Variants in PRPF40B observed in about 807,000 individuals in gnomAD.
PRPF40B encodes pre-mRNA-processing factor 40 homolog B.
In PRPF40B, 56 loss-of-function variants were observed where a neutral mutation model predicts 124.5. That is an observed-to-expected ratio of 0.45 (90% CI 0.36 to 0.56). PRPF40B has a LOEUF of 0.56. Among genes scored for constraint, PRPF40B ranks in the 20% least tolerant of loss-of-function variants. The probability of loss-of-function intolerance (pLI) is 0.00; values close to 1 mark genes in which losing one functional copy is unlikely to be tolerated. For synonymous variants in PRPF40B, 443 were observed against 426.4 expected (o/e 1.04, Z -0.48); for missense variants, 1,053 against 1,169.5 (o/e 0.90, Z 1.45).
intron 4 of PRPF40B, 44 bp from the exon 5 acceptor site, chr12:49,632,552 A>G: frequency 1.2e-6 from 2 of 1,608,426 alleles, no homozygotes; most frequent in African/African-American, 1.3e-5. Flanking sequence ...CCTGGGGGCC[A>G]CTGGGCTTGG....
At chr12:49,629,457 G>T (rs1941028112) in intron 1 of PRPF40B, among the ~76,000 whole-genome samples, 1 of 152,176 alleles carries the variant, frequency 6.6e-6, no homozygotes, top group Non-Finnish European at 1.5e-5. Flanking sequence ...TGGCCATGTA[G>T]GGCTATACCT....
rs1221013973 is a variant in PRPF40B at position 49,637,772 on chromosome 12, A to G, written c.1715A>G (p.Glu572Gly). ...GACTTATTCAAGTTCTATGTGGAGG[A>G]GTTGAAGGCACGATTCCATGATGAA... The part of the protein sequence containing the change: ...PLDLFKFYVE[E>G]LKARFHDEKK... The change falls in exon 18 of 26, where the codon GAG (glutamate) becomes GGG (glycine). Residue 572 changes from glutamate to glycine, a missense_variant. Glu to Gly is a moderately conservative substitution (Grantham distance 98). Coordinates refer to ENST00000548825, the MANE Select transcript of PRPF40B (RefSeq NM_001031698.3). 1.9e-6 allele frequency: 3 copies of G among 1,578,422 alleles called. No individual in the cohort carries two copies. The highest frequency in any genetic ancestry group is 1.7e-6 in the Non-Finnish European group (2 of 1,161,808).
chr12:49,637,690 G>A, intron 17 of PRPF40B, 43 bp from the exon 18 acceptor site: 3 of 1,503,928 alleles, frequency 2.0e-6, no homozygotes, highest in Non-Finnish European at 2.7e-6. Context: ...CCAGGCCTTG[G>A]GAAGCTGCCG....
chr12:49,623,346 G>T (rs1435205620), upstream of PRPF40B: 4 of 190,618 alleles, frequency 2.1e-5, no homozygotes, highest in East Asian at 5.7e-4. Context: ...CCCGCCCCCC[G>T]GGGGGCGGAC....
chr12:49,634,930 C>T (rs938995688), intron 12 of PRPF40B, 169 bp from the exon 13 acceptor site: 32 of 740,100 alleles, frequency 4.3e-5, no homozygotes, highest in Non-Finnish European at 5.8e-5. Context: ...GCATCTCTTC[C>T]CCTCACTTCC....
intron 23 of PRPF40B, 61 bp downstream of exon 23, chr12:49,643,458 C>CT: frequency 6.6e-7 from 1 of 1,511,566 alleles, no homozygotes. Context: ...AGAGGATGCC[C>CT]TCCACAAGCC....
intron 18 of PRPF40B, chr12:49,641,208 A>G (rs1942597227): frequency 6.6e-6 from 1 of 152,208 alleles, no homozygotes; most frequent in African/African-American, 2.4e-5. Flanking sequence ...TGGCCTGTGG[A>G]CATGTTTTTA....
At position 49,633,505 on chromosome 12, in the gene PRPF40B, G is replaced by A. The variant is rs2138475649; in HGVS notation, c.538G>A (p.Glu180Lys). The A allele has an allele frequency of 6.2e-7, 1 of 1,614,206 alleles. No individual in the cohort carries two copies. The highest frequency in any genetic ancestry group is 1.3e-5 in the African/African-American group (1 of 75,044). ...KPYYYNNQSK[E>K]SRWTRPKDLD... Reference sequence around the variant, plus strand: ...TTATTACTATAACAACCAGAGTAAAGAGTCCCGCTGGACCCGGCCCAAGGA... The same window carrying A: ...TTATTACTATAACAACCAGAGTAAAAAGTCCCGCTGGACCCGGCCCAAGGA... The change falls in exon 8 of 26, where the codon GAG (glutamate) becomes AAG (lysine). Residue 180 changes from glutamate to lysine, a missense_variant. Transcript: ENST00000548825.
chr12:49,642,361 G>A lies in PRPF40B; in HGVS notation c.2011G>A (p.Ala671Thr), dbSNP rs1217941269. 5 of 1,613,724 alleles carry A rather than the reference G, an allele frequency of 3.1e-6. No homozygotes were observed. The highest frequency in any genetic ancestry group is 1.3e-5 in the African/African-American group (1 of 74,940). ...TGTGCCTGCTCTGGAGCTAGGCACT[G>A]CCTGGGAAGAGGTCAGGAGCGTAGC... is the stretch of plus-strand genomic sequence containing the variant. ...QAVPALELGT[A>T]WEEVRERFVC... Residue 671 changes from alanine to threonine, a missense_variant, in exon 20 of 26, where the codon GCC becomes ACC. By Grantham distance (58) the Ala-to-Thr change is moderately conservative. Around this residue, in one of 2 missense-constraint regions of PRPF40B, gnomAD observed 895 missense variants for 1,052.2 expected, o/e 0.85. Coordinates refer to ENST00000548825, the MANE Select transcript of PRPF40B (RefSeq NM_001031698.3). The surrounding 1 kb of genome is among the most constrained non-coding windows in gnomAD (Gnocchi z 5.8).
chr12:49,635,095 C>G lies in PRPF40B; in HGVS notation c.1002-4C>G. The G allele has an allele frequency of 6.2e-7, 1 of 1,610,830 alleles. No individual in the cohort carries two copies. Among genetic ancestry groups the G allele is most frequent in the Admixed American group, 1.7e-5 (1 of 59,806 alleles). On this transcript the variant is annotated splice_polypyrimidine_tract_variant and splice_region_variant and intron_variant, in intron 12 of 25. Transcript: ENST00000548825. This position sits in a 1 kb window ranked among gnomAD's most constrained non-coding sequence, Gnocchi z 4.1. ...CCCCACCCCACTCCTACCCTCTATC[C>G]CAGTGCCTTGCCTAAACTGAGTGAG...
intron 18 of PRPF40B, chr12:49,640,846 G>A (rs1472876151): frequency 6.6e-6 from 1 of 152,222 alleles, no homozygotes; most frequent in Non-Finnish European, 1.5e-5. Context: ...GATGTTCCAG[G>A]TTAGGTGAGG....
At chr12:49,629,536 A>G (rs759880314) in intron 1 of PRPF40B, among the ~76,000 whole-genome samples, 19 of 152,224 alleles carry the variant, frequency 1.2e-4, no homozygotes, top group African/African-American at 3.4e-4. Flanking sequence ...CGTTCGTTCA[A>G]TATTTGCTGA....
Position 49,633,621 on chromosome 12 carries a change from T to C in PRPF40B, c.581-16T>C. On this transcript the variant is annotated splice_polypyrimidine_tract_variant and intron_variant, in intron 8 of 25. Transcript: ENST00000548825. Reference sequence around the variant, plus strand: ...ATTGCCCCTGTGACTGACTGTGTTATCTTTTCCCATCACAGTTCTAGTCAA... The same window carrying C: ...ATTGCCCCTGTGACTGACTGTGTTACCTTTTCCCATCACAGTTCTAGTCAA... 6.2e-7 allele frequency: 1 copy of C among 1,614,228 alleles called. No homozygotes were observed. The highest frequency in any genetic ancestry group is 2.2e-5 in the East Asian group (1 of 44,888).
At chr12:49,643,123 T>G in intron 22 of PRPF40B, 100 bp from the exon 23 acceptor site, 12 of 1,586,340 alleles carry the variant, frequency 7.6e-6, no homozygotes, top group Non-Finnish European at 1.0e-5. Context: ...GTTTGAGGAT[T>G]CCTTTGGCCC....
chr12:49,624,417 G>A (rs1176389239), intron 1 of PRPF40B, among the ~76,000 whole-genome samples: 1 of 152,168 alleles, frequency 6.6e-6, no homozygotes, highest in African/African-American at 2.4e-5. Flanking sequence ...GCCGGGCTGG[G>A]GCTGGCTAGC....
In PRPF40B at chr12:49,626,906, T is replaced by C. The variant is rs374610266; in HGVS notation, c.3+3313T>C. 1.0e-3 allele frequency among the ~76,000 whole-genome samples: 156 copies of C among 152,264 alleles called. 1 individual carries two copies. Among genetic ancestry groups the C allele is most frequent in the African/African-American group, 3.5e-3 (146 of 41,548 alleles). Reference sequence around the variant, plus strand: ...GTGGCTCCTTGGACAGATTATTCCCTGAAAAAGGGGGATACCTTGGGTGAC... The same window carrying C: ...GTGGCTCCTTGGACAGATTATTCCCCGAAAAAGGGGGATACCTTGGGTGAC... On this transcript the variant is annotated intron_variant, in intron 1 of 25. Transcript: ENST00000548825.
chr12:49,632,230 T>A lies in PRPF40B; in HGVS notation c.294+305T>A, dbSNP rs527253565. The A allele has an allele frequency of 3.4e-5, 20 of 581,634 alleles. No individual in the cohort carries two copies. The Admixed American group carries it at 3.9e-4, about 11-fold the overall frequency. The allele number at this position is 581,634 out of a possible 1,614,324, so 36.0% of individuals were successfully genotyped here. ...CACATGAATATAGTTCTTCACATCC[T>A]CTTTGTCCCCAGAAGAGTCAGTAGC... On this transcript the variant is annotated intron_variant, in intron 4 of 25. Transcript: ENST00000548825.
intron 18 of PRPF40B, 57 bp from the exon 19 acceptor site, chr12:49,641,851 G>C (rs1592618031): frequency 1.4e-6 from 2 of 1,458,532 alleles, no homozygotes; most frequent in Non-Finnish European, 1.9e-6. Context: ...CACTCTGCCT[G>C]CCAGCTTTGG....
At chr12:49,633,784 C>T in intron 9 of PRPF40B, 102 bp from the exon 10 acceptor site, 1 of 1,603,832 alleles carries the variant, frequency 6.2e-7, no homozygotes, top group Non-Finnish European at 8.5e-7. Flanking sequence ...TGGAGTCATC[C>T]CCTCTGGCCC....
Sources: gnomAD v4.1 joint callset for allele counts (sites outside exome capture counted in the v4.1 genomes callset) on GRCh38, gnomAD v4.1.1 for gene constraint, gnomAD v4.1.1 regional missense constraint, Gnocchi (gnomAD v3.1) non-coding constraint, MANE v1.5 for transcripts, NCBI Gene and HGNC (gene_info 2026-07-23, HGNC 2026-07-21) for gene names.